The following SUFU variants were observed in gnomAD, a reference collection of about 807,000 sequenced individuals.
SUFU encodes SUFU negative regulator of hedgehog signaling, also known as suppressor of fused homolog.
Under a neutral mutation model 58.9 loss-of-function variants are expected in SUFU, and 7 were observed. That is an observed-to-expected ratio of 0.12 (90% CI 0.07 to 0.22). The LOEUF is 0.22. Ranked by LOEUF, SUFU falls within the 10% of genes least tolerant of loss-of-function variation. SUFU has a pLI of 1.00. For missense variants in SUFU, 451 were observed against 641.3 expected, an observed-to-expected ratio of 0.70 and a Z score of 3.20; for synonymous variants, 232 against 254.8, an observed-to-expected ratio of 0.91 and a Z score of 0.85.
At chr10:102,581,110 G>A (rs191023156) in intron 3 of SUFU, among the ~76,000 whole-genome samples, 1 of 138,262 alleles carries the variant, frequency 7.2e-6, no homozygotes, top group East Asian at 2.2e-4. Context: ...AACCCAGGAA[G>A]TGGAGGTTGC....
At chr10:102,556,378 G>GAGGCAGTGA (rs2062977469) in intron 3 of SUFU, among the ~76,000 whole-genome samples, 1 of 152,238 alleles carries the variant, frequency 6.6e-6, no homozygotes, top group South Asian at 2.1e-4. Context: ...AGAGCATCCA[G>GAGGCAGTGA]AGGCAGTGAA....
intron 2 of SUFU, among the ~76,000 whole-genome samples, chr10:102,525,137 G>A (rs1239554354): frequency 6.6e-6 from 1 of 152,116 alleles, no homozygotes; most frequent in African/African-American, 2.4e-5. Flanking sequence ...TTGAGACGGA[G>A]TCTCTCTCTG....
intron 3 of SUFU, among the ~76,000 whole-genome samples, chr10:102,552,662 T>G (rs12247593): frequency 0.012 from 1,795 of 152,294 alleles, 31 homozygotes; most frequent in African/African-American, 0.035. Flanking sequence ...TCCCTGGATG[T>G]GATTATGGTA....
chr10:102,527,695 AC>A (rs1453867712), intron 2 of SUFU, among the ~76,000 whole-genome samples: 2 of 152,164 alleles, frequency 1.3e-5, no homozygotes, highest in Non-Finnish European at 2.9e-5. Flanking sequence ...CTCAGCCATG[AC>A]ATGATGTATT....
rs964163571 is a variant in SUFU at position 102,586,634 on chromosome 10, C to T, written c.455-5948C>T. Among the ~76,000 whole-genome samples the T allele has an allele frequency of 3.9e-5, 6 of 152,308 alleles. No homozygotes were observed. In the East Asian group the frequency reaches 9.7e-4, roughly 25 times the overall value. ...CTTGCAGTGAGCCGAGATCACGCCA[C>T]CGCACTCTAGCCTGGGCGACAGAGC... On this transcript the variant is annotated intron_variant, in intron 3 of 11. Transcript: ENST00000369902.
At chr10:102,595,121 G>A (rs1028316295) in intron 6 of SUFU, among the ~76,000 whole-genome samples, 5 of 152,122 alleles carry the variant, frequency 3.3e-5, no homozygotes, top group Admixed American at 2.6e-4. Context: ...CTGACCAAAT[G>A]CAGGTCATTG....
intron 2 of SUFU, among the ~76,000 whole-genome samples, chr10:102,528,669 G>A (rs1474850337): frequency 1.3e-5 from 2 of 152,182 alleles, no homozygotes; most frequent in Non-Finnish European, 2.9e-5. Context: ...GTTGGGAGCC[G>A]GAAGAGTTTA....
Position 102,589,442 on chromosome 10 carries a change from C to CTTTTTTTTTTTTTTTTTTTT in SUFU, c.455-3138_455-3119dup, listed in dbSNP as rs747625757. The stretch of plus-strand genomic sequence containing the variant: ...CAATCTGGAAGTATTTTCTTTCTTT[C>CTTTTTTTTTTTTTTTTTTTT]TTTTTTTTTTTTTTTTTTTTTGAGA... On this transcript the variant is annotated intron_variant, in intron 3 of 11. Coordinates refer to ENST00000369902, the MANE Select transcript of SUFU (RefSeq NM_016169.4). Among the ~76,000 whole-genome samples the CTTTTTTTTTTTTTTTTTTTT allele has an allele frequency of 7.7e-5, 5 of 65,358 alleles. 1 individual carries two copies. Among genetic ancestry groups the CTTTTTTTTTTTTTTTTTTTT allele is most frequent in the Non-Finnish European group, 7.8e-5 (3 of 38,704 alleles). The allele number at this position is 65,358 out of a possible 152,430, so 42.9% of individuals were successfully genotyped here. A position where few individuals can be genotyped will look rare whatever the true frequency, so the allele number is the denominator to read the frequency against.
intron 7 of SUFU, among the ~76,000 whole-genome samples, chr10:102,598,416 G>C (rs1167403753): frequency 6.6e-6 from 1 of 152,070 alleles, no homozygotes; most frequent in African/African-American, 2.4e-5. Flanking sequence ...TCAGCCTCCC[G>C]AAGTGCTGGG....
At chr10:102,528,923 T>C (rs1253659494) in intron 2 of SUFU, among the ~76,000 whole-genome samples, 1 of 151,734 alleles carries the variant, frequency 6.6e-6, no homozygotes, top group African/African-American at 2.4e-5. Context: ...GGTCAGAGTA[T>C]GAGAGTGCAG....
At chr10:102,607,060 AT>A (rs34836365) in intron 8 of SUFU, among the ~76,000 whole-genome samples, 198 of 143,870 alleles carry the variant, frequency 1.4e-3, no homozygotes, top group East Asian at 1.0e-2. Flanking sequence ...GGTAAGAGTA[AT>A]TTTTTTTTTT....
At chr10:102,579,917 A>C in intron 3 of SUFU, 1 of 938,302 alleles carries the variant, frequency 1.1e-6, no homozygotes, top group Non-Finnish European at 1.3e-6. Flanking sequence ...GGGAAACTCT[A>C]CAACTGGTCA....
chr10:102,607,749 A>G (rs1333550958), intron 8 of SUFU, among the ~76,000 whole-genome samples: 1 of 152,114 alleles, frequency 6.6e-6, no homozygotes, highest in Admixed American at 6.5e-5. Context: ...CCCCGTCTCT[A>G]CTAAAATACA....
chr10:102,508,176 G>GAGT (rs1306612648), intron 1 of SUFU, among the ~76,000 whole-genome samples: 1 of 152,042 alleles, frequency 6.6e-6, no homozygotes, highest in Non-Finnish European at 1.5e-5. Context: ...GTTTCACCAT[G>GAGT]TTGGCCAGGC....
At chr10:102,529,958 A>T (rs2062657857) in intron 2 of SUFU, among the ~76,000 whole-genome samples, 1 of 149,210 alleles carries the variant, frequency 6.7e-6, no homozygotes, top group African/African-American at 2.5e-5. Context: ...AAAAAAAAAG[A>T]AAAGAAAAAG....
rs2063696863 is a variant in SUFU at position 102,617,304 on chromosome 10, A to G, written c.1172A>G (p.His391Arg). 2.5e-6 allele frequency: 4 copies of G among 1,614,220 alleles called. No individual in the cohort carries two copies. The highest frequency in any genetic ancestry group is 3.4e-6 in the Non-Finnish European group (4 of 1,180,038). The change falls in exon 10 of 12, where the codon CAT (histidine) becomes CGT (arginine). Residue 391 changes from histidine (H) to arginine (R), a missense_variant. By Grantham distance (29) the His-to-Arg change is conservative (BLOSUM62 0). Coordinates refer to ENST00000369902, the MANE Select transcript of SUFU (RefSeq NM_016169.4). This position sits in a 1 kb window ranked among gnomAD's most constrained non-coding sequence, Gnocchi z 4.4. ...IPLCLRGRLLHGRHFTYKSIT... is the reference protein window; with the variant it reads ...IPLCLRGRLLRGRHFTYKSIT... The stretch of plus-strand genomic sequence containing the variant: ...CCCATCTCCAGGGGCAGGCTCCTGC[A>G]TGGACGGCACTTTACATATAAAAGT...
At chr10:102,552,816 G>T (rs1208248397) in intron 3 of SUFU, among the ~76,000 whole-genome samples, 1 of 152,242 alleles carries the variant, frequency 6.6e-6, no homozygotes, top group African/African-American at 2.4e-5. Context: ...ATCTGTGTAT[G>T]AAGAGAAGCT....
At chr10:102,565,784 G>C (rs140208390) in intron 3 of SUFU, among the ~76,000 whole-genome samples, 3 of 152,114 alleles carry the variant, frequency 2.0e-5, no homozygotes, top group Admixed American at 1.3e-4. Context: ...CTGACCTCGT[G>C]ATCTACCCGC....
intron 2 of SUFU, among the ~76,000 whole-genome samples, chr10:102,534,595 A>T (rs75438232): frequency 6.6e-6 from 1 of 152,168 alleles, no homozygotes; most frequent in African/African-American, 2.4e-5. Context: ...TCCTCTGCGT[A>T]GGTGTAAGGG....
Sources: gnomAD v4.1 joint callset for allele counts (sites outside exome capture counted in the v4.1 genomes callset) on GRCh38, gnomAD v4.1.1 for gene constraint, Gnocchi (gnomAD v3.1) non-coding constraint, MANE v1.5 for transcripts, NCBI Gene and HGNC (gene_info 2026-07-23, HGNC 2026-07-21) for gene names.